The following RIC1 variants were observed in gnomAD, a reference collection of about 807,000 sequenced individuals.
The protein encoded by RIC1 is RIC1 partner of RAB6A GEF complex.
In RIC1, 88 loss-of-function variants were observed where a neutral mutation model predicts 169.0. The ratio of observed to expected loss-of-function variants is 0.52; its 90% CI spans 0.44 to 0.62. The LOEUF is 0.62. RIC1 is among the 20% of genes least tolerant of loss of function. The pLI is 0.00. For synonymous variants in RIC1, 790 were observed against 601.5 expected (o/e 1.31, Z -4.59); for missense variants, 1,877 against 1,725.5 (o/e 1.09, Z -1.56).
intron 16 of RIC1, 135 bp from the exon 17 acceptor site, chr9:5,757,178 A>T (rs1285175384): frequency 7.1e-6 from 7 of 987,434 alleles, no homozygotes; most frequent in Non-Finnish European, 1.1e-5. Flanking sequence ...CGAAGGATAT[A>T]TGGGGAGAAG....
intron 2 of RIC1, among the ~76,000 whole-genome samples, chr9:5,677,266 C>T (rs1215022756): frequency 6.6e-6 from 1 of 152,080 alleles, no homozygotes; most frequent in African/African-American, 2.4e-5. Flanking sequence ...TTGCATTTTT[C>T]TAATAACTAA....
chr9:5,644,882 G>A (rs868343208), intron 1 of RIC1, among the ~76,000 whole-genome samples: 1 of 152,152 alleles, frequency 6.6e-6, no homozygotes, highest in African/African-American at 2.4e-5. Context: ...CACCAATAAT[G>A]TATGGAAGTT....
chr9:5,689,049 T>TA (rs1187019711), intron 2 of RIC1, among the ~76,000 whole-genome samples: 2 of 129,862 alleles, frequency 1.5e-5, no homozygotes, highest in African/African-American at 5.5e-5. Flanking sequence ...AATTTCTTTT[T>TA]TTTTTTTTTT....
chr9:5,774,382 ATTCT>A lies in RIC1; in HGVS notation c.*142_*145del, dbSNP rs1215374321. 6 of 651,024 alleles carry A rather than the reference ATTCT, an allele frequency of 9.2e-6. No homozygotes were observed. The Admixed American group carries it at 1.0e-4, about 11-fold the overall frequency. The allele number at this position is 651,024 out of a possible 1,614,324, so 40.3% of individuals were successfully genotyped here. A position where few individuals can be genotyped will look rare whatever the true frequency, so the allele number is the denominator to read the frequency against. On this transcript the variant is annotated 3_prime_UTR_variant, in exon 26 of 26. Transcript: ENST00000414202. ...GGTAAGTATTAGTAGATTTTAACTA[ATTCT>A]TTCTTGTCTAAGAAATCTTTTTGAC...
intron 17 of RIC1, among the ~76,000 whole-genome samples, 200 bp downstream of exon 17, chr9:5,757,651 T>C (rs1189238956): frequency 6.6e-6 from 1 of 152,376 alleles, no homozygotes; most frequent in East Asian, 1.9e-4. Context: ...ACATAATGAA[T>C]TGTTCCTGTT....
chr9:5,734,166 G>T (rs1824550972), intron 7 of RIC1, among the ~76,000 whole-genome samples: 1 of 151,052 alleles, frequency 6.6e-6, no homozygotes, highest in Non-Finnish European at 1.5e-5. Context: ...GAGTGCAAGA[G>T]CGTGATCTTG....
intron 3 of RIC1, among the ~76,000 whole-genome samples, chr9:5,692,608 C>T (rs1393714604): frequency 5.9e-5 from 9 of 151,988 alleles, no homozygotes. Flanking sequence ...GTGTGCTTGA[C>T]TGTTCTAGTT....
rs907334496 is a variant in RIC1, at chr9:5,775,999, A to C, written c.*1753A>C. 6 of 152,172 alleles carry C rather than the reference A, an allele frequency of 3.9e-5. No individual in the cohort carries two copies. Among genetic ancestry groups the C allele is most frequent in the Non-Finnish European group, 8.8e-5 (6 of 67,992 alleles). 9.4% of individuals were successfully genotyped at this position (152,172 alleles called of 1,614,324 possible). ...CTATCCTAGTCCATTAAGGAGAAGA[A>C]CCAGCATTGCTTTTGTGTTTGGTGT... On this transcript the variant is annotated 3_prime_UTR_variant, in exon 26 of 26. Coordinates refer to ENST00000414202, the MANE Select transcript of RIC1 (RefSeq NM_020829.4).
rs1212860893 is a variant in RIC1 at position 5,754,041 on chromosome 9, T to G, written c.1602+395T>G. On this transcript the variant is annotated intron_variant, in intron 14 of 25. Coordinates refer to ENST00000414202, the MANE Select transcript of RIC1 (RefSeq NM_020829.4). ...GAGTGTGCGTGTGTGTATGTGTATG[T>G]GTGTGTACATATACGCATGCAGTTG... 2.0e-5 allele frequency among the ~76,000 whole-genome samples: 3 copies of G among 152,206 alleles called. No homozygotes were observed. In the East Asian group the frequency reaches 5.8e-4, roughly 29 times the overall value.
At chr9:5,691,748 A>C (rs1167882559) in intron 3 of RIC1, among the ~76,000 whole-genome samples, 3 of 151,994 alleles carry the variant, frequency 2.0e-5, no homozygotes, top group Non-Finnish European at 4.4e-5. Context: ...TAATTTAGAC[A>C]TGTTCCTATA....
chr9:5,733,122 T>C (rs188802772), intron 7 of RIC1, among the ~76,000 whole-genome samples: 2 of 152,096 alleles, frequency 1.3e-5, no homozygotes, highest in East Asian at 3.9e-4. Context: ...TTGCAATGTA[T>C]ATAGTGCTTT....
At position 5,737,602 on chromosome 9, in the gene RIC1, G is replaced by A. The variant is rs188007528; in HGVS notation, c.813-848G>A. ...TTACTATGCTTTTACACACACACAT[G>A]TTTTATATCTTAAACGTATATACTG... On this transcript the variant is annotated intron_variant, in intron 7 of 25. Transcript: ENST00000414202. Among the ~76,000 whole-genome samples, 247 of 150,200 alleles carry A rather than the reference G, an allele frequency of 1.6e-3. 4 individuals carry two copies. The East Asian group carries it at 0.03, about 18-fold the overall frequency.
chr9:5,688,734 A>T (rs1178980212), intron 2 of RIC1, among the ~76,000 whole-genome samples: 1 of 152,178 alleles, frequency 6.6e-6, no homozygotes, highest in Non-Finnish European at 1.5e-5. Flanking sequence ...CATTCCTTTG[A>T]AAAACAGGAA....
At position 5,774,544 on chromosome 9, in the gene RIC1, T is replaced by A; in HGVS notation, c.*298T>A. ...TTGGTAGCTCTTAAACCACAGGAAT[T>A]GTTTTGCCCCAGGTGAGCTTACTTT... On this transcript the variant is annotated 3_prime_UTR_variant, in exon 26 of 26. Coordinates refer to ENST00000414202, the MANE Select transcript of RIC1 (RefSeq NM_020829.4). The A allele has an allele frequency of 4.5e-6, 1 of 221,764 alleles. No homozygotes were observed. Among genetic ancestry groups the A allele is most frequent in the Non-Finnish European group, 8.8e-6 (1 of 113,526 alleles). The allele number at this position is 221,764 out of a possible 1,614,324, so 13.7% of individuals were successfully genotyped here.
intron 1 of RIC1, among the ~76,000 whole-genome samples, chr9:5,638,551 A>G (rs1221455496): frequency 6.6e-6 from 1 of 152,160 alleles, no homozygotes; most frequent in African/African-American, 2.4e-5. Flanking sequence ...GAATTTCTTC[A>G]TGATTCAATC....
intron 21 of RIC1, among the ~76,000 whole-genome samples, chr9:5,767,115 A>G (rs1330692867): frequency 6.6e-6 from 1 of 152,256 alleles, no homozygotes; most frequent in East Asian, 1.9e-4. Context: ...GAGGACCAAA[A>G]GGAAGATAGA....
At chr9:5,634,420 A>C (rs1817871031) in intron 1 of RIC1, among the ~76,000 whole-genome samples, 1 of 152,202 alleles carries the variant, frequency 6.6e-6, no homozygotes, top group South Asian at 2.1e-4. Context: ...GATAATAGAT[A>C]TCCTAACAGG....
intron 2 of RIC1, among the ~76,000 whole-genome samples, chr9:5,681,590 G>C (rs1300770895): frequency 6.6e-6 from 1 of 152,156 alleles, no homozygotes; most frequent in Admixed American, 6.5e-5. Flanking sequence ...GAATAGGTGT[G>C]GTGTGTTGCT....
intron 2 of RIC1, among the ~76,000 whole-genome samples, chr9:5,680,086 C>A (rs1432870626): frequency 6.6e-6 from 1 of 152,182 alleles, no homozygotes; most frequent in Non-Finnish European, 1.5e-5. Flanking sequence ...TTTTCTGCAT[C>A]TATTGAGATA....
Sources: gnomAD v4.1 joint callset for allele counts (sites outside exome capture counted in the v4.1 genomes callset) on GRCh38, gnomAD v4.1.1 for gene constraint, MANE v1.5 for transcripts, NCBI Gene and HGNC (gene_info 2026-07-23, HGNC 2026-07-21) for gene names.